Variants in RNF111 observed in about 807,000 individuals in gnomAD.
RNF111 encodes ring finger protein 111.
Under a neutral mutation model 95.1 loss-of-function variants are expected in RNF111, and 17 were observed. The ratio of observed to expected loss-of-function variants is 0.18; its 90% CI spans 0.12 to 0.27. The LOEUF (loss-of-function observed/expected upper bound fraction) is 0.27, where lower values mean the gene tolerates loss of function less well. Among genes scored for constraint, RNF111 ranks in the 10% least tolerant of loss-of-function variants. RNF111 has a pLI of 1.00. For missense variants in RNF111, 1,189 were observed against 1,210.4 expected (o/e 0.98, Z 0.26); for synonymous variants, 440 against 414.8 (o/e 1.06, Z -0.74).
chr15:59,022,174 A>G (rs184301770), intron 1 of RNF111, among the ~76,000 whole-genome samples: 7 of 152,154 alleles, frequency 4.6e-5, no homozygotes, highest in Admixed American at 4.6e-4. Context: ...TTCCTATAAA[A>G]TATTTTGGAA....
chr15:59,040,088 C>T (rs2041375944), intron 2 of RNF111, among the ~76,000 whole-genome samples: 1 of 151,796 alleles, frequency 6.6e-6, no homozygotes, highest in South Asian at 2.1e-4. Context: ...GCTGGGTTGC[C>T]AATGCTTTTG....
At chr15:59,023,080 C>T (rs2040425030) in intron 1 of RNF111, among the ~76,000 whole-genome samples, 1 of 152,138 alleles carries the variant, frequency 6.6e-6, no homozygotes, top group South Asian at 2.1e-4. Flanking sequence ...AACCCTGTCT[C>T]TACTAAAAAT....
At chr15:59,081,531 C>A (rs1055358306) in intron 8 of RNF111, among the ~76,000 whole-genome samples, 77 of 151,060 alleles carry the variant, frequency 5.1e-4, no homozygotes, top group African/African-American at 1.8e-3. Flanking sequence ...GCAACAACAA[C>A]AAAAAAAACC....
At chr15:59,002,928 T>C (rs2039387956) in intron 1 of RNF111, among the ~76,000 whole-genome samples, 1 of 152,202 alleles carries the variant, frequency 6.6e-6, no homozygotes, top group Non-Finnish European at 1.5e-5. Context: ...GATTCATGTC[T>C]TTAGCTTCTT....
intron 5 of RNF111, among the ~76,000 whole-genome samples, chr15:59,063,068 AT>A (rs1477258338): frequency 6.6e-6 from 1 of 152,148 alleles, no homozygotes; most frequent in Non-Finnish European, 1.5e-5. Flanking sequence ...TGTATCCTAA[AT>A]TGTCTCCATG....
At chr15:59,046,667 CA>C (rs1223579007) in intron 2 of RNF111, among the ~76,000 whole-genome samples, 2 of 152,072 alleles carry the variant, frequency 1.3e-5, no homozygotes, top group African/African-American at 4.8e-5. Flanking sequence ...TTGGGTTAGA[CA>C]AAGGTTTCTT....
chr15:59,079,191 A>C (rs546128668), intron 7 of RNF111, among the ~76,000 whole-genome samples: 1 of 152,374 alleles, frequency 6.6e-6, no homozygotes, highest in African/African-American at 2.4e-5. Flanking sequence ...TTCTGAAACA[A>C]AACTTCTTGC....
chr15:58,993,659 T>G (rs1315362385), intron 1 of RNF111, among the ~76,000 whole-genome samples: 1 of 152,166 alleles, frequency 6.6e-6, no homozygotes, highest in Non-Finnish European at 1.5e-5. Context: ...CAAACAGGAG[T>G]GTTGTATTTC....
chr15:59,026,496 A>G (rs2040617579), intron 1 of RNF111, among the ~76,000 whole-genome samples: 2 of 152,194 alleles, frequency 1.3e-5, no homozygotes, highest in Admixed American at 6.5e-5. Flanking sequence ...GTCACCAAGG[A>G]GATATATCTT....
Position 59,076,020 on chromosome 15 carries a change from G to T in RNF111, c.1753G>T (p.Ala585Ser), listed in dbSNP as rs746413826. Residue 585 changes from alanine to serine, a missense_variant, in exon 7 of 14, where the codon GCA becomes TCA. Transcript: ENST00000348370. ...TCATGGAAGTGGCAGTTTTCATGGA[G>T]CATCTGCATTTGACCCCTGCTGCCC... ...RSHGSGSFHG[A>S]SAFDPCCPVS... 6.2e-7 allele frequency: 1 copy of T among 1,614,206 alleles called. No individual in the cohort carries two copies. Among genetic ancestry groups the T allele is most frequent in the Non-Finnish European group, 8.5e-7 (1 of 1,180,044 alleles).
chr15:59,007,398 T>C (rs562161584), intron 1 of RNF111, among the ~76,000 whole-genome samples: 2 of 152,214 alleles, frequency 1.3e-5, no homozygotes, highest in Non-Finnish European at 2.9e-5. Context: ...TTGATACATG[T>C]ATCAGTAGTT....
intron 1 of RNF111, among the ~76,000 whole-genome samples, chr15:59,000,160 T>C (rs1210233945): frequency 1.9e-4 from 26 of 137,432 alleles, no homozygotes; most frequent in South Asian, 6.7e-4. Flanking sequence ...ATTTTTTTTT[T>C]CCCTTTTTTT....
In RNF111 at chr15:59,094,722, G is replaced by T. The variant is rs1388579449; in HGVS notation, c.2844-61G>T. Reference sequence around the variant, plus strand: ...TATTGAATTATTACATATATAATTTGTTAACTACGTACAATTATCATAAAA... The same window carrying T: ...TATTGAATTATTACATATATAATTTTTTAACTACGTACAATTATCATAAAA... On this transcript the variant is annotated intron_variant, in intron 13 of 13. Transcript: ENST00000348370. The T allele has an allele frequency of 1.3e-5, 12 of 898,512 alleles. No individual in the cohort carries two copies. In the African/African-American group the frequency reaches 1.6e-4, roughly 12 times the overall value. The allele number at this position is 898,512 out of a possible 1,614,324, so 55.7% of individuals were successfully genotyped here. A position where few individuals can be genotyped will look rare whatever the true frequency, so the allele number is the denominator to read the frequency against.
chr15:58,993,665 A>G (rs2038918622), intron 1 of RNF111, among the ~76,000 whole-genome samples: 3 of 152,232 alleles, frequency 2.0e-5, no homozygotes, highest in Non-Finnish European at 4.4e-5. Flanking sequence ...GGAGTGTTGT[A>G]TTTCAGGCAC....
intron 2 of RNF111, among the ~76,000 whole-genome samples, chr15:59,040,579 A>C (rs2041401780): frequency 1.3e-5 from 2 of 152,214 alleles, no homozygotes; most frequent in South Asian, 2.1e-4. Context: ...TTGTTCTTAC[A>C]CTGAAAACTC....
chr15:59,062,185 G>A (rs1283068226), intron 5 of RNF111, among the ~76,000 whole-genome samples: 1 of 151,552 alleles, frequency 6.6e-6, no homozygotes, highest in Non-Finnish European at 1.5e-5. Flanking sequence ...TGGGACTACA[G>A]GCACACTCTA....
chr15:59,071,521 A>G (rs1162292152), intron 6 of RNF111, among the ~76,000 whole-genome samples: 3 of 151,958 alleles, frequency 2.0e-5, no homozygotes, highest in Non-Finnish European at 4.4e-5. Context: ...CGTTTCTAAC[A>G]AAACGAAACA....
At chr15:59,092,417 A>G (rs2079078369) in intron 12 of RNF111, 120 bp from the exon 13 acceptor site, 1 of 1,071,512 alleles carries the variant, frequency 9.3e-7, no homozygotes, top group Non-Finnish European at 1.3e-6. Context: ...TACCTGGGAA[A>G]AAAGTGCGGG....
intron 6 of RNF111, among the ~76,000 whole-genome samples, chr15:59,071,368 T>C (rs2042919268): frequency 6.6e-6 from 1 of 151,258 alleles, no homozygotes; most frequent in Non-Finnish European, 1.5e-5. Context: ...GGTGAAAGTG[T>C]TTTGCTTAGG....
Sources: allele counts gnomAD v4.1 joint callset (sites outside exome capture counted in the v4.1 genomes callset), GRCh38; gene constraint gnomAD v4.1.1; transcripts MANE v1.5; gene names NCBI Gene and HGNC (gene_info 2026-07-23, HGNC 2026-07-21).